Variants in NOX4 observed in about 807,000 individuals in gnomAD.
The protein encoded by NOX4 is NADPH oxidase 4.
Under a neutral mutation model 87.6 loss-of-function variants are expected in NOX4, and 69 were observed. That is an observed-to-expected ratio of 0.79 (90% CI 0.65 to 0.96). The LOEUF is 0.96. Among genes scored for constraint, NOX4 ranks in the 40% least tolerant of loss-of-function variants. The pLI, the probability that NOX4 is intolerant of heterozygous loss-of-function variation, is 0.00. For synonymous variants in NOX4, 275 were observed against 238.2 expected, an observed-to-expected ratio of 1.15 and a Z score of -1.42; for missense variants, 680 against 681.5, an observed-to-expected ratio of 1.00 and a Z score of 0.02.
At chr11:89,454,411 C>G (rs1304340040) in intron 2 of NOX4, among the ~76,000 whole-genome samples, 2 of 151,980 alleles carry the variant, frequency 1.3e-5, no homozygotes, top group Non-Finnish European at 2.9e-5. Flanking sequence ...ATTAGGTCCA[C>G]AAGAAATCCT....
At chr11:89,473,811 T>C (rs903955377) in intron 2 of NOX4, among the ~76,000 whole-genome samples, 3 of 152,260 alleles carry the variant, frequency 2.0e-5, no homozygotes, top group African/African-American at 7.2e-5. Flanking sequence ...TCTTCCAGTC[T>C]TTCCTTGGGG....
intron 2 of NOX4, among the ~76,000 whole-genome samples, chr11:89,481,426 C>T (rs2135471673): frequency 6.6e-6 from 1 of 152,088 alleles, no homozygotes; most frequent in Middle Eastern, 3.4e-3. Context: ...CCTGCATTTT[C>T]TCATGTTGTC....
chr11:89,409,961 T>C (rs1015160245), intron 8 of NOX4, among the ~76,000 whole-genome samples: 3 of 152,040 alleles, frequency 2.0e-5, no homozygotes, highest in Non-Finnish European at 4.4e-5. Flanking sequence ...TGCTGGATCA[T>C]GCCTGTAAAC....
At chr11:89,506,311 A>AAGAGAG in the NOX4 span, among the ~76,000 whole-genome samples, 280 of 99,788 alleles carry the variant, frequency 2.8e-3, no homozygotes, top group Middle Eastern at 0.012. Context: ...AAGAGAGAGA[A>AAGAGAG]AGAAAGAAAG....
At chr11:89,400,473 A>G in intron 9 of NOX4, 94 bp from the exon 10 acceptor site, 2 of 741,948 alleles carry the variant, frequency 2.7e-6, no homozygotes, top group Non-Finnish European at 2.0e-6. Context: ...TTACAGTAAT[A>G]GTATTTTAAT....
At chr11:89,494,081 C>T (rs1329087650), upstream of NOX4, among the ~76,000 whole-genome samples, 1 of 152,092 alleles carries the variant, frequency 6.6e-6, no homozygotes, top group Non-Finnish European at 1.5e-5. Context: ...GACATAGTTG[C>T]TGTATTTCCC....
intron 8 of NOX4, among the ~76,000 whole-genome samples, chr11:89,410,979 A>G (rs571305689): frequency 6.6e-6 from 1 of 152,136 alleles, no homozygotes; most frequent in East Asian, 2.0e-4. Context: ...TTCTGCTTGA[A>G]GAGAGGAGAG....
intron 2 of NOX4, among the ~76,000 whole-genome samples, chr11:89,459,148 C>G (rs1322130989): frequency 1.3e-5 from 2 of 152,030 alleles, no homozygotes; most frequent in African/African-American, 4.8e-5. Context: ...AAGATCATGT[C>G]CTTTGCAAGA....
At chr11:89,364,876 A>T (rs1217791118) in intron 12 of NOX4, among the ~76,000 whole-genome samples, 5 of 152,150 alleles carry the variant, frequency 3.3e-5, no homozygotes, top group African/African-American at 1.2e-4. Context: ...AGACAAGGAA[A>T]CTAAAAACCA....
intron 12 of NOX4, among the ~76,000 whole-genome samples, chr11:89,357,508 T>G (rs1938160919): frequency 6.6e-6 from 1 of 152,170 alleles, no homozygotes. Flanking sequence ...TGCCAATTTA[T>G]GCAGTACTCA....
intron 11 of NOX4, among the ~76,000 whole-genome samples, chr11:89,379,333 T>C (rs2135087174): frequency 6.6e-6 from 1 of 151,964 alleles, no homozygotes; most frequent in South Asian, 2.1e-4. Flanking sequence ...AACCCAGGTC[T>C]CAGTGTAATA....
chr11:89,513,719 C>T, the NOX4 span, among the ~76,000 whole-genome samples: 23 of 151,888 alleles, frequency 1.5e-4, no homozygotes, highest in East Asian at 4.5e-3. Context: ...CAGAACAAAC[C>T]TGTGATGTAT....
the NOX4 span, among the ~76,000 whole-genome samples, chr11:89,536,138 C>CTTTTTTTTT: frequency 3.4e-5 from 3 of 88,954 alleles, no homozygotes; most frequent in Admixed American, 1.3e-4. Context: ...TGGTCCTTTT[C>CTTTTTTTTT]TTTTTTTTTT....
upstream of NOX4, among the ~76,000 whole-genome samples, chr11:89,491,922 C>T (rs148014135): frequency 0.015 from 2,259 of 151,276 alleles, 83 homozygotes; most frequent in Admixed American, 0.087. Context: ...CAAACTAAAG[C>T]CCCCCTGACA....
At chr11:89,584,768 TAAAG>T in the NOX4 span, among the ~76,000 whole-genome samples, 1 of 152,134 alleles carries the variant, frequency 6.6e-6, no homozygotes. Context: ...AAAGAATGAC[TAAAG>T]ATAGATAAGA....
the NOX4 span, among the ~76,000 whole-genome samples, chr11:89,554,566 T>C: frequency 6.6e-6 from 1 of 152,160 alleles, no homozygotes; most frequent in Non-Finnish European, 1.5e-5. Context: ...TGTATCTAAA[T>C]AGATATTCAG....
the NOX4 span, among the ~76,000 whole-genome samples, chr11:89,570,530 T>A: frequency 0.54 from 82,788 of 152,028 alleles, 23,997 homozygotes; most frequent in African/African-American, 0.75. Context: ...TGATTTTCAA[T>A]ATATATGTAT....
At chr11:89,550,896 C>T in the NOX4 span, among the ~76,000 whole-genome samples, 5 of 152,152 alleles carry the variant, frequency 3.3e-5, no homozygotes, top group African/African-American at 9.7e-5. Flanking sequence ...AGGTTCTCTT[C>T]TACAGGTTTT....
the NOX4 span, among the ~76,000 whole-genome samples, chr11:89,504,022 G>A: frequency 3.3e-5 from 5 of 151,406 alleles, no homozygotes; most frequent in Non-Finnish European, 1.5e-5. Flanking sequence ...CAAAGGGTAT[G>A]CAATGCTGTG....
Sources: gnomAD v4.1 joint callset for allele counts (sites outside exome capture counted in the v4.1 genomes callset) on GRCh38, gnomAD v4.1.1 for gene constraint, MANE v1.5 for transcripts, NCBI Gene and HGNC (gene_info 2026-07-23, HGNC 2026-07-21) for gene names.